Variants in ANKRD6 observed in about 807,000 individuals in gnomAD.
ANKRD6 encodes the protein ankyrin repeat domain-containing protein 6.
ANKRD6 carries 56 observed loss-of-function variants against 82.3 expected under a neutral mutation model. The ratio of observed to expected loss-of-function variants is 0.68; its 90% CI spans 0.55 to 0.85. The LOEUF (loss-of-function observed/expected upper bound fraction) is 0.85. Among genes scored for constraint, ANKRD6 ranks in the 40% least tolerant of loss-of-function variants. The probability of loss-of-function intolerance (pLI) is 0.00; values close to 1 mark genes in which losing one functional copy is unlikely to be tolerated. For missense variants in ANKRD6, 852 were observed against 907.6 expected, an observed-to-expected ratio of 0.94 and a Z score of 0.79; for synonymous variants, 347 against 352.1, an observed-to-expected ratio of 0.99 and a Z score of 0.16.
At chr6:89,516,924 A>G (rs1289209060) in intron 1 of ANKRD6, among the ~76,000 whole-genome samples, 1 of 152,224 alleles carries the variant, frequency 6.6e-6, no homozygotes. Context: ...ACTGGAGTGC[A>G]GTGGCACAAT....
intron 9 of ANKRD6, chr6:89,621,248 A>G (rs1019375384): frequency 6.6e-6 from 1 of 152,258 alleles, no homozygotes; most frequent in Non-Finnish European, 1.5e-5. Flanking sequence ...AGAGAGGTCA[A>G]ATCACTTGCC....
At position 89,625,283 on chromosome 6, in the gene ANKRD6, G is replaced by GA. The variant is rs879660007; in HGVS notation, c.1371+605dup. Among the ~76,000 whole-genome samples, 237 of 140,266 alleles carry GA rather than the reference G, an allele frequency of 1.7e-3. 1 individual carries two copies. Among genetic ancestry groups the GA allele is most frequent in the Middle Eastern group, 3.6e-3 (1 of 276 alleles). 92.0% of individuals were successfully genotyped at this position (140,266 alleles called of 152,430 possible). On this transcript the variant is annotated intron_variant, in intron 13 of 15. Transcript: ENST00000339746. ...GGGTGACAGAGCAAGACTCTGTCTA[G>GA]AAAAAAAAAAAAATTAGAGTTTATC... is the stretch of plus-strand genomic sequence containing the variant.
At position 89,630,489 on chromosome 6, in the gene ANKRD6, C is replaced by T; in HGVS notation, c.1669C>T (p.Pro557Ser). 6.2e-7 allele frequency: 1 copy of T among 1,614,046 alleles called. No homozygotes were observed. The highest frequency in any genetic ancestry group is 8.5e-7 in the Non-Finnish European group (1 of 1,179,888). Reference sequence around the variant, plus strand: ...AGCAGCAGCTTCCGACAGCTCCCCTCCAGTGGTTAGGCCCAAAGAGAAGGC... The same window carrying T: ...AGCAGCAGCTTCCGACAGCTCCCCTTCAGTGGTTAGGCCCAAAGAGAAGGC... ...GPAAASDSSP[P>S]VVRPKEKALN... Residue 557 changes from proline to serine, a missense_variant, in exon 16 of 16, where the codon CCA (proline) becomes TCA (serine). Coordinates refer to ENST00000339746, the MANE Select transcript of ANKRD6 (RefSeq NM_001242809.2).
rs569492435 is a variant in ANKRD6 at position 89,499,552 on chromosome 6, C to T, written c.-144+66177C>T. On this transcript the variant is annotated intron_variant, in intron 1 of 15. Transcript: ENST00000339746. ...CGTTTCTCAACCAGTGGGTTGGGGT[C>T]GCAGTGCTGGGGGGAGGGTGCTACT... 1.2e-4 allele frequency among the ~76,000 whole-genome samples: 19 copies of T among 152,200 alleles called. 1 individual carries two copies. The South Asian group carries it at 3.3e-3, about 27-fold the overall frequency.
At position 89,612,351 on chromosome 6, in the gene ANKRD6, G is replaced by A. The variant is rs376144287; in HGVS notation, c.497G>A (p.Arg166His). 25 of 1,559,024 alleles carry A rather than the reference G, an allele frequency of 1.6e-5. No individual in the cohort carries two copies. Among genetic ancestry groups the A allele is most frequent in the Middle Eastern group, 1.7e-4 (1 of 6,022 alleles). ...STRVLLLAGS[R>H]ADLKNNAGDT... ...CGCGTCCTCCTGCTGGCCGGGTCCC[G>A]CGCTGACCTCAAAAATAATGTGGGT... Residue 166 changes from arginine to histidine, a missense_variant, in exon 6 of 16, where the codon CGC (arginine) becomes CAC (histidine). Arg to His is a conservative substitution (Grantham distance 29, BLOSUM62 0). Coordinates refer to ENST00000339746, the MANE Select transcript of ANKRD6 (RefSeq NM_001242809.2).
intron 3 of ANKRD6, among the ~76,000 whole-genome samples, chr6:89,600,063 C>T (rs1796768748): frequency 6.6e-6 from 1 of 152,122 alleles, no homozygotes; most frequent in South Asian, 2.1e-4. Context: ...TATGTGTTCT[C>T]GCCGCAACCT....
intron 14 of ANKRD6, chr6:89,628,687 G>A (rs1026377537): frequency 9.8e-5 from 21 of 213,394 alleles, no homozygotes; most frequent in Admixed American, 1.6e-4. Flanking sequence ...GGAGAATGGC[G>A]TGAACCCAGG....
intron 1 of ANKRD6, among the ~76,000 whole-genome samples, chr6:89,502,795 A>T (rs890323504): frequency 1.3e-5 from 2 of 152,174 alleles, no homozygotes; most frequent in Admixed American, 1.3e-4. Context: ...AGTGTTATTT[A>T]TGTTAATTGA....
chr6:89,587,493 A>G (rs1794011324), intron 2 of ANKRD6, among the ~76,000 whole-genome samples: 2 of 152,198 alleles, frequency 1.3e-5, no homozygotes, highest in South Asian at 4.1e-4. Context: ...ATCTCAAAAA[A>G]CAAACAAAAA....
At chr6:89,526,263 A>C (rs1583087366) in intron 1 of ANKRD6, among the ~76,000 whole-genome samples, 1 of 152,154 alleles carries the variant, frequency 6.6e-6, no homozygotes, top group East Asian at 1.9e-4. Context: ...CTAATGGTCT[A>C]CCCCATCCAG....
intron 10 of ANKRD6, among the ~76,000 whole-genome samples, chr6:89,622,670 T>G (rs1191753452): frequency 6.6e-6 from 1 of 152,196 alleles, no homozygotes; most frequent in African/African-American, 2.4e-5. Flanking sequence ...CGAGCTGATT[T>G]CAGCTCCTCT....
intron 2 of ANKRD6, among the ~76,000 whole-genome samples, chr6:89,588,159 G>A (rs1356074981): frequency 2.6e-5 from 2 of 75,596 alleles, no homozygotes; most frequent in East Asian, 1.1e-3. Context: ...TAAACGAGGA[G>A]CCAGGTGGCC....
rs1288020720 is a variant in ANKRD6 at position 89,627,577 on chromosome 6, T to C, written c.1372-6T>C. 1 of 1,613,308 alleles carries C rather than the reference T, an allele frequency of 6.2e-7. No homozygotes were observed. Among genetic ancestry groups the C allele is most frequent in the Non-Finnish European group, 8.5e-7 (1 of 1,179,456 alleles). On this transcript the variant is annotated splice_region_variant and splice_polypyrimidine_tract_variant and intron_variant, in intron 13 of 15. Transcript: ENST00000339746. ...AGTCTTACACTCTGCTCCACTTCAC[T>C]CCTAGATGCGTGTTTTGGACAAGCT...
chr6:89,557,837 A>AAGGG (rs1388968889), intron 1 of ANKRD6, among the ~76,000 whole-genome samples: 2 of 152,028 alleles, frequency 1.3e-5, no homozygotes, highest in Non-Finnish European at 2.9e-5. Flanking sequence ...CTGCACATGT[A>AAGGG]AGGGATCTGG....
intron 1 of ANKRD6, among the ~76,000 whole-genome samples, chr6:89,462,924 C>A (rs962422318): frequency 1.2e-4 from 18 of 148,646 alleles, no homozygotes; most frequent in African/African-American, 4.5e-4. Context: ...GCCTGAAATG[C>A]AGTGGTGCTA....
chr6:89,547,233 T>G (rs988550171), intron 1 of ANKRD6, among the ~76,000 whole-genome samples: 1 of 151,956 alleles, frequency 6.6e-6, no homozygotes, highest in African/African-American at 2.4e-5. Flanking sequence ...AGCAATGAGT[T>G]GAGGCAGATG....
rs1178275927 is a variant in ANKRD6 at position 89,501,878 on chromosome 6, G to A, written c.-143-64956G>A. ...AAAAGGCAGTGACTTGAACTGAGTGGTAGGAATAATAATATGTCCCATCTC... is the reference window on the plus strand; with the variant it reads ...AAAAGGCAGTGACTTGAACTGAGTGATAGGAATAATAATATGTCCCATCTC... On this transcript the variant is annotated intron_variant, in intron 1 of 15. Coordinates refer to ENST00000339746, the MANE Select transcript of ANKRD6 (RefSeq NM_001242809.2). Among the ~76,000 whole-genome samples the A allele has an allele frequency of 2.0e-5, 3 of 152,146 alleles. No individual in the cohort carries two copies. In the East Asian group the frequency reaches 5.8e-4, roughly 29 times the overall value.
intron 2 of ANKRD6, among the ~76,000 whole-genome samples, chr6:89,575,687 C>T (rs1158611833): frequency 6.6e-6 from 1 of 152,110 alleles, no homozygotes; most frequent in Non-Finnish European, 1.5e-5. Flanking sequence ...TGCTTGTCCC[C>T]AGAGGCTTGT....
At chr6:89,617,932 G>A (rs931727910) in intron 8 of ANKRD6, 22 bp from the exon 9 acceptor site, 2 of 1,613,140 alleles carry the variant, frequency 1.2e-6, no homozygotes. Flanking sequence ...TTTCTCACCT[G>A]TCCTACTCTG....
Sources: gnomAD v4.1 joint callset for allele counts (sites outside exome capture counted in the v4.1 genomes callset) on GRCh38, gnomAD v4.1.1 for gene constraint, MANE v1.5 for transcripts, NCBI Gene and HGNC (gene_info 2026-07-23, HGNC 2026-07-21) for gene names.